The following PCDHA11 variants were observed in gnomAD, a reference collection of about 807,000 sequenced individuals.
PCDHA11 encodes protocadherin alpha-11.
Under a neutral mutation model 70.3 loss-of-function variants are expected in PCDHA11, and 61 were observed. The ratio of observed to expected loss-of-function variants is 0.87; its 90% CI spans 0.71 to 1.07. The LOEUF is 1.07. Ranked by LOEUF, PCDHA11 falls within the 50% of genes least tolerant of loss-of-function variation. The pLI, the probability that PCDHA11 is intolerant of heterozygous loss-of-function variation, is 0.00. For missense variants in PCDHA11, 1,324 were observed against 1,237.5 expected (o/e 1.07, Z -1.05); for synonymous variants, 633 against 555.1 (o/e 1.14, Z -1.97).
At chr5:140,917,519 T>C (rs1554198226) in intron 1 of PCDHA11, among the ~76,000 whole-genome samples, 1 of 152,256 alleles carries the variant, frequency 6.6e-6, no homozygotes, top group East Asian at 1.9e-4. Context: ...GGTTTTATTC[T>C]ACGGTTTGTA....
At position 140,869,884 on chromosome 5, in the gene PCDHA11, G is replaced by T; in HGVS notation, c.781G>T (p.Val261Leu). Residue 261 changes from valine to leucine, a missense_variant, in exon 1 of 4, where the codon GTG becomes TTG. Val to Leu is a conservative substitution (Grantham distance 32). Coordinates refer to ENST00000398640, the MANE Select transcript of PCDHA11 (RefSeq NM_018902.5). ...LMENAAKETL[V>L]LKLNATDRDE... ...GGAAAATGCTGCTAAAGAAACTCTT[G>T]TGCTCAAACTAAACGCCACAGACCG... The T allele has an allele frequency of 6.2e-7, 1 of 1,610,394 alleles. No individual in the cohort carries two copies. The highest frequency in any genetic ancestry group is 8.5e-7 in the Non-Finnish European group (1 of 1,178,100).
rs184768008 is a variant in PCDHA11 at position 140,933,949 on chromosome 5, G to C, written c.2392-45000G>C. ...GTTGTGACTTTTTTTCACATCTGCA[G>C]GATCTGTAGTGATGTTTCCCTTTTC... On this transcript the variant is annotated intron_variant, in intron 1 of 3. Coordinates refer to ENST00000398640, the MANE Select transcript of PCDHA11 (RefSeq NM_018902.5). Among the ~76,000 whole-genome samples the C allele has an allele frequency of 8.5e-4, 129 of 151,910 alleles. 1 individual carries two copies. The highest frequency in any genetic ancestry group is 3.0e-3 in the African/African-American group (123 of 41,458).
At position 140,869,188 on chromosome 5, in the gene PCDHA11, G is replaced by T. The variant is rs200563745; in HGVS notation, c.85G>T (p.Gly29Cys). 364 of 1,613,946 alleles carry T rather than the reference G, an allele frequency of 2.3e-4. 4 individuals carry two copies. In the Admixed American group the frequency reaches 5.9e-3, roughly 26 times the overall value. Residue 29 changes from glycine to cysteine, a missense_variant, in exon 1 of 4, where the codon GGC (glycine) becomes TGC (cysteine). Coordinates refer to ENST00000398640, the MANE Select transcript of PCDHA11 (RefSeq NM_018902.5). ...CCTCGAATTCTGGGAGGTGGGGAGC[G>T]GCCAGCTCCACTACTCCGTCTCGGA... ...LLLEFWEVGS[G>C]QLHYSVSEEA...
At position 140,979,015 on chromosome 5, in the gene PCDHA11, T is replaced by C. The variant is rs782169362; in HGVS notation, c.2450+8T>C. ...GAGAGCAGGCATGCACAGGTATGTATTTCCCTCCTCATTCACTCAGAAGTA... is the reference window on the plus strand; with the variant it reads ...GAGAGCAGGCATGCACAGGTATGTACTTCCCTCCTCATTCACTCAGAAGTA... On this transcript the variant is annotated splice_region_variant and intron_variant, in intron 2 of 3. Coordinates refer to ENST00000398640, the MANE Select transcript of PCDHA11 (RefSeq NM_018902.5). 1 of 1,613,802 alleles carries C rather than the reference T, an allele frequency of 6.2e-7. No individual in the cohort carries two copies. Among genetic ancestry groups the C allele is most frequent in the Non-Finnish European group, 8.5e-7 (1 of 1,179,916 alleles).
chr5:140,895,225 G>A (rs1472993401), intron 1 of PCDHA11, among the ~76,000 whole-genome samples: 1 of 152,050 alleles, frequency 6.6e-6, no homozygotes, highest in African/African-American at 2.4e-5. Flanking sequence ...ATTTTACTGA[G>A]TTTTCTCATC....
In PCDHA11 at chr5:140,870,203, T is replaced by C. The variant is rs782746068; in HGVS notation, c.1100T>C (p.Val367Ala). 5.0e-6 allele frequency: 8 copies of C among 1,613,986 alleles called. No individual in the cohort carries two copies. Among genetic ancestry groups the C allele is most frequent in the Non-Finnish European group, 5.1e-6 (6 of 1,180,036 alleles). The change falls in exon 1 of 4, where the codon GTC becomes GCC. Residue 367 changes from valine to alanine, a missense_variant. Transcript: ENST00000398640. ...PVREDAQPST[V>A]IALISVSDRD... ...CGAGAGGACGCTCAGCCCAGCACGG[T>C]CATTGCCCTGATCAGCGTGTCTGAC...
chr5:140,870,555 G>A lies in PCDHA11; in HGVS notation c.1452G>A (p.Gln484=), dbSNP rs1554164406. ...FTVSARDADA[Q]ENALVSYSLV... ...TGTCGGCGCGGGACGCGGACGCGCA[G>A]GAGAACGCGCTGGTGTCCTACTCGC... Residue 484 remains glutamine (Q), a synonymous_variant, in exon 1 of 4, where the codon CAG becomes CAA. Transcript: ENST00000398640. The A allele has an allele frequency of 6.2e-7, 1 of 1,613,926 alleles. No individual in the cohort carries two copies. Among genetic ancestry groups the A allele is most frequent in the Non-Finnish European group, 8.5e-7 (1 of 1,180,008 alleles).
intron 1 of PCDHA11, among the ~76,000 whole-genome samples, chr5:140,906,888 A>C (rs1438258969): frequency 6.6e-6 from 1 of 152,102 alleles, no homozygotes; most frequent in Admixed American, 6.5e-5. Flanking sequence ...CTTCCTTCTT[A>C]GATTGTTGGT....
At chr5:140,914,997 G>A (rs548148626) in intron 1 of PCDHA11, among the ~76,000 whole-genome samples, 43 of 148,264 alleles carry the variant, frequency 2.9e-4, no homozygotes, top group African/African-American at 1.0e-3. Flanking sequence ...CCAGGCTGGA[G>A]TGCAGTGGCC....
At chr5:140,973,886 T>C (rs887432391) in intron 1 of PCDHA11, among the ~76,000 whole-genome samples, 2 of 152,242 alleles carry the variant, frequency 1.3e-5, no homozygotes, top group African/African-American at 4.8e-5. Flanking sequence ...TAATGTCAAT[T>C]TGCAAATGTT....
chr5:140,923,573 A>C (rs1180737452), intron 1 of PCDHA11, among the ~76,000 whole-genome samples: 2 of 152,214 alleles, frequency 1.3e-5, no homozygotes, highest in African/African-American at 4.8e-5. Flanking sequence ...GGTCCTGCTA[A>C]AGAGAAGGTT....
rs2098421437 is a variant in PCDHA11, at chr5:141,011,660, T to G, written c.*1723T>G. The G allele has an allele frequency of 6.5e-6, 1 of 153,726 alleles. No individual in the cohort carries two copies. Among genetic ancestry groups the G allele is most frequent in the African/African-American group, 2.4e-5 (1 of 41,436 alleles). The allele number at this position is 153,726 out of a possible 1,614,324, so 9.5% of individuals were successfully genotyped here. On this transcript the variant is annotated 3_prime_UTR_variant, in exon 4 of 4. Coordinates refer to ENST00000398640, the MANE Select transcript of PCDHA11 (RefSeq NM_018902.5). ...GCCAAGACTTCTGCTGGCAAGGGAATGGATAAAGCTGTTTTGTTCTAGTAA... is the reference window on the plus strand; with the variant it reads ...GCCAAGACTTCTGCTGGCAAGGGAAGGGATAAAGCTGTTTTGTTCTAGTAA...
At chr5:140,907,392 A>G (rs1362391388) in intron 1 of PCDHA11, among the ~76,000 whole-genome samples, 1 of 152,202 alleles carries the variant, frequency 6.6e-6, no homozygotes, top group Non-Finnish European at 1.5e-5. Context: ...GTCAAAGGCA[A>G]TGCTGTGTGG....
chr5:140,956,733 C>A (rs1412191742), intron 1 of PCDHA11, among the ~76,000 whole-genome samples: 1 of 152,172 alleles, frequency 6.6e-6, no homozygotes, highest in Non-Finnish European at 1.5e-5. Flanking sequence ...ACCAGCTCCT[C>A]TTTGTACCTC....
chr5:140,870,960 C>T lies in PCDHA11; in HGVS notation c.1857C>T (p.Ile619=). 6.2e-7 allele frequency: 1 copy of T among 1,613,670 alleles called. No homozygotes were observed. Among genetic ancestry groups the T allele is most frequent in the Non-Finnish European group, 8.5e-7 (1 of 1,179,892 alleles). ...ELQPAAGGSR[I]PFRVGLYTGE... is the part of the protein sequence containing the mutation. ...AGCCGGCGGCGGGCGGCTCGCGCAT[C>T]CCGTTCCGCGTGGGGCTGTACACGG... The change falls in exon 1 of 4, where the codon ATC becomes ATT. Residue 619 remains isoleucine, a synonymous_variant. Transcript: ENST00000398640.
intron 1 of PCDHA11, among the ~76,000 whole-genome samples, chr5:140,891,210 G>A (rs2062986388): frequency 1.3e-5 from 2 of 152,180 alleles, no homozygotes; most frequent in South Asian, 4.1e-4. Context: ...TTACCATGCT[G>A]TGTCTTTATA....
intron 1 of PCDHA11, among the ~76,000 whole-genome samples, chr5:140,924,421 A>G (rs2081827627): frequency 6.6e-6 from 1 of 152,172 alleles, no homozygotes; most frequent in Non-Finnish European, 1.5e-5. Flanking sequence ...TGCCCTTTCT[A>G]GTTCCCTAGA....
At chr5:140,874,161 A>G (rs1173333729) in intron 1 of PCDHA11, among the ~76,000 whole-genome samples, 1 of 152,042 alleles carries the variant, frequency 6.6e-6, no homozygotes, top group Non-Finnish European at 1.5e-5. Context: ...ATTCTTGGTT[A>G]CTCTTTCCTG....
At chr5:140,939,603 CAG>C (rs2092419919) in intron 1 of PCDHA11, among the ~76,000 whole-genome samples, 2 of 152,068 alleles carry the variant, frequency 1.3e-5, no homozygotes, top group Non-Finnish European at 2.9e-5. Flanking sequence ...TGCTCAAAAA[CAG>C]AACAAGGAGA....
Sources: allele counts gnomAD v4.1 joint callset (sites outside exome capture counted in the v4.1 genomes callset), GRCh38; gene constraint gnomAD v4.1.1; transcripts MANE v1.5; gene names NCBI Gene and HGNC (gene_info 2026-07-23, HGNC 2026-07-21).